Variants in SAMD13 observed in about 807,000 individuals in gnomAD.
The protein encoded by SAMD13 is sterile alpha motif domain-containing protein 13.
A neutral mutation model predicts 12.4 loss-of-function variants in SAMD13; 9 were observed. That is an observed-to-expected ratio of 0.72 (90% CI 0.44 to 1.26). The LOEUF is 1.26. Among genes scored for constraint, SAMD13 ranks in the 50% most tolerant of loss-of-function variants. SAMD13 has a pLI of 0.00. For synonymous variants in SAMD13, 46 were observed against 45.4 expected (o/e 1.01, Z -0.05); for missense variants, 84 against 119.6 (o/e 0.70, Z 1.39).
At chr1:84,304,271 G>A (rs1678513342) in intron 2 of SAMD13, 1 of 152,122 alleles carries the variant, frequency 6.6e-6, no homozygotes, top group Non-Finnish European at 1.5e-5. Context: ...CATCCCTAAA[G>A]TTTGGGGTAG....
At chr1:84,338,499 G>A (rs1054937319) in intron 3 of SAMD13, among the ~76,000 whole-genome samples, 20 of 145,108 alleles carry the variant, frequency 1.4e-4, no homozygotes, top group African/African-American at 3.1e-4. Flanking sequence ...GTGCAATGGC[G>A]TGCTCTCAGC....
chr1:84,308,349 G>T (rs901581281), intron 2 of SAMD13, among the ~76,000 whole-genome samples: 30 of 152,138 alleles, frequency 2.0e-4, no homozygotes, highest in African/African-American at 6.5e-4. Context: ...AGGCTATGTT[G>T]TGGAGGGGGC....
At chr1:84,326,700 G>A (rs1366519371) in intron 3 of SAMD13, among the ~76,000 whole-genome samples, 1 of 152,096 alleles carries the variant, frequency 6.6e-6, no homozygotes, top group Admixed American at 6.6e-5. Context: ...TAATATTGTA[G>A]GGAGAATTAA....
At chr1:84,337,930 C>A (rs315533) in intron 3 of SAMD13, among the ~76,000 whole-genome samples, 127,718 of 152,116 alleles carry the variant, frequency 0.84, 55,178 homozygotes, top group Non-Finnish European at 0.96. Flanking sequence ...ATCTCTAGGG[C>A]AGGGGCAAAA....
intron 3 of SAMD13, among the ~76,000 whole-genome samples, chr1:84,339,198 T>A (rs1679368405): frequency 6.6e-6 from 1 of 152,232 alleles, no homozygotes; most frequent in Non-Finnish European, 1.5e-5. Flanking sequence ...TACAGTCATT[T>A]GGAGATAAGA....
At chr1:84,340,873 A>G (rs1230469799) in intron 3 of SAMD13, among the ~76,000 whole-genome samples, 3 of 152,174 alleles carry the variant, frequency 2.0e-5, no homozygotes, top group African/African-American at 7.2e-5. Flanking sequence ...GGAGAGTAGT[A>G]TTTGAATCAG....
At chr1:84,321,072 AC>A (rs1339095669) in intron 2 of SAMD13, among the ~76,000 whole-genome samples, 1 of 152,096 alleles carries the variant, frequency 6.6e-6, no homozygotes, top group Non-Finnish European at 1.5e-5. Flanking sequence ...CAACATGAAA[AC>A]CTCATCATAA....
chr1:84,320,569 AG>A (rs1678921472), intron 2 of SAMD13, among the ~76,000 whole-genome samples: 2 of 152,220 alleles, frequency 1.3e-5, no homozygotes, highest in Admixed American at 1.3e-4. Flanking sequence ...CTTCATCCTC[AG>A]GTTTGTCATA....
chr1:84,298,595 C>A (rs778417266), upstream of SAMD13: 6 of 1,282,864 alleles, frequency 4.7e-6, no homozygotes, highest in Non-Finnish European at 5.9e-6. Flanking sequence ...GCGCCCAGGG[C>A]GTGGGAAGGC....
chr1:84,344,623 G>A (rs1679495869), intron 3 of SAMD13: 1 of 302,890 alleles, frequency 3.3e-6, no homozygotes, highest in African/African-American at 2.2e-5. Context: ...ACCTTATATG[G>A]AAATTCTTCC....
At chr1:84,300,576 T>G (rs1473018572), upstream of SAMD13, among the ~76,000 whole-genome samples, 2 of 152,240 alleles carry the variant, frequency 1.3e-5, no homozygotes, top group Non-Finnish European at 2.9e-5. Flanking sequence ...GAACCTGTGT[T>G]CTGTGCCCTG....
Position 84,349,754 on chromosome 1 carries a change from T to G in SAMD13, c.289T>G (p.Leu97Val), listed in dbSNP as rs775993332. The G allele has an allele frequency of 1.2e-6, 2 of 1,613,324 alleles. No individual in the cohort carries two copies. Among genetic ancestry groups the G allele is most frequent in the Non-Finnish European group, 1.7e-6 (2 of 1,179,662 alleles). The change falls in exon 4 of 4, where the codon TTA (leucine) becomes GTA (valine). Residue 97 changes from leucine (L) to valine (V), a missense_variant. Physicochemically the swap from Leu to Val is conservative, Grantham distance 32. Coordinates refer to ENST00000394834, the MANE Select transcript of SAMD13 (RefSeq NM_001134663.2). ...TGTAAAACCTCTGCAGACAAAGCAT[T>G]TAAAGAACAACTCTTCATAGTACAG... Reference protein sequence around the residue: ...YHVKPLQTKHLKNNSS With the variant: ...YHVKPLQTKHVKNNSS
At chr1:84,326,513 G>T (rs1432905885) in intron 3 of SAMD13, among the ~76,000 whole-genome samples, 3 of 152,156 alleles carry the variant, frequency 2.0e-5, no homozygotes, top group African/African-American at 7.2e-5. Context: ...GCTCCATGTT[G>T]CAGGCTGTGC....
At chr1:84,316,354 G>A (rs760029863) in intron 2 of SAMD13, among the ~76,000 whole-genome samples, 1 of 152,106 alleles carries the variant, frequency 6.6e-6, no homozygotes, top group African/African-American at 2.4e-5. Context: ...ACAGTTTCAA[G>A]TCTTATGTTT....
chr1:84,344,013 A>C (rs1444221892), intron 3 of SAMD13, among the ~76,000 whole-genome samples: 1 of 151,758 alleles, frequency 6.6e-6, no homozygotes, highest in Non-Finnish European at 1.5e-5. Context: ...CATTTGATAA[A>C]ATGGGCCTTA....
intron 3 of SAMD13, chr1:84,345,316 A>G (rs1434964057): frequency 2.3e-6 from 1 of 433,172 alleles, no homozygotes; most frequent in Non-Finnish European, 4.6e-6. Context: ...AGATTTTCAT[A>G]TGAGGCTGGG....
chr1:84,341,129 C>T (rs72942086), intron 3 of SAMD13, among the ~76,000 whole-genome samples: 11,672 of 152,206 alleles, frequency 0.077, 1,404 homozygotes, highest in African/African-American at 0.25. Flanking sequence ...CTGAATTATA[C>T]CACTAGCTTT....
intron 3 of SAMD13, among the ~76,000 whole-genome samples, chr1:84,331,587 A>T (rs1053974968): frequency 2.6e-5 from 4 of 152,264 alleles, no homozygotes; most frequent in African/African-American, 9.6e-5. Context: ...CATAATGAAC[A>T]GGGGAAGTGG....
In SAMD13 at chr1:84,304,459, C is replaced by G. The variant is rs550782016; in HGVS notation, c.53+1172C>G. 7.2e-5 allele frequency among the ~76,000 whole-genome samples: 11 copies of G among 152,230 alleles called. No individual in the cohort carries two copies. In the East Asian group the frequency reaches 1.9e-3, roughly 27 times the overall value. On this transcript the variant is annotated intron_variant, in intron 2 of 3. Coordinates refer to ENST00000394834, the MANE Select transcript of SAMD13 (RefSeq NM_001134663.2). ...AAATGTGACTAGTTTAAGTAAGAAA[C>G]TGAACTTTTAATTTTACTTAATTGT...
Sources: allele counts gnomAD v4.1 joint callset (sites outside exome capture counted in the v4.1 genomes callset), GRCh38; gene constraint gnomAD v4.1.1; transcripts MANE v1.5; gene names NCBI Gene and HGNC (gene_info 2026-07-23, HGNC 2026-07-21).